TAFA2: variants seen among roughly 807,000 people sequenced by gnomAD.
TAFA2 encodes chemokine-like protein TAFA-2.
TAFA2 carries 7 observed loss-of-function variants against 18.8 expected under a neutral mutation model. That is an observed-to-expected ratio of 0.37 (90% confidence interval 0.21 to 0.70). TAFA2 has a LOEUF of 0.70. Ranked by LOEUF, TAFA2 falls within the 30% of genes least tolerant of loss-of-function variation. The pLI, the probability that TAFA2 is intolerant of heterozygous loss-of-function variation, is 0.53. For synonymous variants in TAFA2, 60 were observed against 54.2 expected (o/e 1.11, Z -0.47); for missense variants, 122 against 158.1 (o/e 0.77, Z 1.23).
intron 1 of TAFA2, among the ~76,000 whole-genome samples, chr12:62,207,469 C>T (rs1439840081): frequency 6.6e-6 from 1 of 151,858 alleles, no homozygotes; most frequent in Non-Finnish European, 1.5e-5. Context: ...CTTTCACACA[C>T]AAACACACAC....
At chr12:61,872,699 AT>A (rs1874669058) in intron 1 of TAFA2, among the ~76,000 whole-genome samples, 1 of 152,026 alleles carries the variant, frequency 6.6e-6, no homozygotes, top group African/African-American at 2.4e-5. Flanking sequence ...CTCTCCCACT[AT>A]CCCCTCTGCC....
At chr12:61,991,002 A>C (rs1416215952) in intron 1 of TAFA2, among the ~76,000 whole-genome samples, 1 of 152,234 alleles carries the variant, frequency 6.6e-6, no homozygotes, top group African/African-American at 2.4e-5. Flanking sequence ...ATCCCCATAA[A>C]TTAACTGTGC....
chr12:62,252,992 T>C (rs1243376084), intron 1 of TAFA2: 1 of 152,184 alleles, frequency 6.6e-6, no homozygotes, highest in Non-Finnish European at 1.5e-5. Context: ...ATCCATGTAA[T>C]TAACTTGTCA....
At chr12:62,057,094 A>G (rs930036387) in intron 1 of TAFA2, among the ~76,000 whole-genome samples, 9 of 152,320 alleles carry the variant, frequency 5.9e-5, no homozygotes, top group Middle Eastern at 3.4e-3. Flanking sequence ...ACTTACCCAT[A>G]ATACCATCTG....
At position 62,010,133 on chromosome 12, in the gene TAFA2, T is replaced by C. The variant is rs540618995; in HGVS notation, c.-1-142707A>G. ...ACACAAAAACACTAATTTGAAACTGTAGTCCCTCTCCCTCTCCCTCTCCCC... is the reference window on the plus strand; with the variant it reads ...ACACAAAAACACTAATTTGAAACTGCAGTCCCTCTCCCTCTCCCTCTCCCC... On this transcript the variant is annotated intron_variant, in intron 1 of 4. Coordinates refer to ENST00000416284, the MANE Select transcript of TAFA2 (RefSeq NM_178539.5). 3.9e-5 allele frequency among the ~76,000 whole-genome samples: 6 copies of C among 152,006 alleles called. No homozygotes were observed. In the East Asian group the frequency reaches 1.2e-3, roughly 30 times the overall value.
At chr12:61,711,386 A>G (rs1869400955) in intron 4 of TAFA2, among the ~76,000 whole-genome samples, 1 of 151,972 alleles carries the variant, frequency 6.6e-6, no homozygotes, top group Admixed American at 6.6e-5. Context: ...ATAAATTTCT[A>G]ATTCTATTCT....
At position 61,753,643 on chromosome 12, in the gene TAFA2, C is replaced by T; in HGVS notation, c.363G>A (p.Gly121=). The T allele has an allele frequency of 1.9e-6, 3 of 1,612,098 alleles. No homozygotes were observed. Among genetic ancestry groups the T allele is most frequent in the Non-Finnish European group, 2.5e-6 (3 of 1,178,820 alleles). Residue 121 remains glycine (G), a synonymous_variant, in exon 4 of 5, where the codon GGG becomes GGA. Coordinates refer to ENST00000416284, the MANE Select transcript of TAFA2 (RefSeq NM_178539.5). The part of the protein sequence containing the change: ...PDRKGWSCSS[G]NKVKTTRVTH ...TTACCCTAGTTGTTTTGACTTTATT[C>T]CCAGAGGAACAGCTCCATCCTTTCC...
chr12:62,176,165 T>G (rs1216064047), intron 1 of TAFA2, among the ~76,000 whole-genome samples: 1 of 152,200 alleles, frequency 6.6e-6, no homozygotes, highest in East Asian at 1.9e-4. Flanking sequence ...ACATATATAT[T>G]TTGGTTTTAT....
intron 1 of TAFA2, among the ~76,000 whole-genome samples, chr12:62,004,917 A>G (rs866447985): frequency 6.6e-6 from 1 of 152,162 alleles, no homozygotes; most frequent in Non-Finnish European, 1.5e-5. Flanking sequence ...TACATTAAAT[A>G]AGCCAGAAAC....
intron 1 of TAFA2, among the ~76,000 whole-genome samples, chr12:62,128,979 A>C (rs1870575662): frequency 6.6e-6 from 1 of 152,088 alleles, no homozygotes; most frequent in South Asian, 2.1e-4. Flanking sequence ...TTTTTCAAAT[A>C]AATCAGTAAA....
chr12:61,877,242 T>A (rs1874892043), intron 1 of TAFA2, among the ~76,000 whole-genome samples: 1 of 152,100 alleles, frequency 6.6e-6, no homozygotes, highest in Non-Finnish European at 1.5e-5. Context: ...CTCACTTTTT[T>A]ACTCTTTCCC....
intron 1 of TAFA2, among the ~76,000 whole-genome samples, chr12:62,039,330 G>A (rs1238392452): frequency 3.9e-5 from 6 of 152,076 alleles, no homozygotes; most frequent in Non-Finnish European, 5.9e-5. Context: ...CATGAAAACC[G>A]CTGAGTAAGG....
At chr12:61,781,205 C>A (rs1870488198) in intron 2 of TAFA2, among the ~76,000 whole-genome samples, 1 of 151,566 alleles carries the variant, frequency 6.6e-6, no homozygotes, top group Non-Finnish European at 1.5e-5. Context: ...CCTATTTGGA[C>A]TGGGGAGCAG....
At chr12:62,076,865 T>C (rs1276512723) in intron 1 of TAFA2, among the ~76,000 whole-genome samples, 1 of 152,182 alleles carries the variant, frequency 6.6e-6, no homozygotes, top group Admixed American at 6.5e-5. Context: ...GCAGAGCTGC[T>C]CAGAGCAGCA....
intron 2 of TAFA2, among the ~76,000 whole-genome samples, chr12:61,818,100 C>A (rs890386291): frequency 6.6e-6 from 1 of 152,140 alleles, no homozygotes; most frequent in African/African-American, 2.4e-5. Context: ...CCACATCTCC[C>A]TCTATTGGGA....
intron 4 of TAFA2, among the ~76,000 whole-genome samples, chr12:61,729,551 C>T (rs768474620): frequency 2.6e-5 from 4 of 151,802 alleles, no homozygotes; most frequent in Non-Finnish European, 5.9e-5. Context: ...TTTCTAAGTG[C>T]ATCTTTCATT....
At chr12:61,838,116 T>C (rs61942611) in intron 2 of TAFA2, among the ~76,000 whole-genome samples, 44,198 of 151,828 alleles carry the variant, frequency 0.29, 6,975 homozygotes, top group South Asian at 0.4. Flanking sequence ...GAACAGTCAA[T>C]GTAGGAAGTA....
intron 1 of TAFA2, among the ~76,000 whole-genome samples, chr12:61,959,694 G>C (rs978686060): frequency 6.6e-6 from 1 of 152,014 alleles, no homozygotes; most frequent in South Asian, 2.1e-4. Flanking sequence ...TGGAAAGAGA[G>C]AACATCTACT....
chr12:61,862,974 C>G (rs1244920461), intron 2 of TAFA2, among the ~76,000 whole-genome samples: 3 of 152,146 alleles, frequency 2.0e-5, no homozygotes, highest in Middle Eastern at 3.2e-3. Context: ...AGATGTTTGT[C>G]TCTTTTCTGT....
Sources: gnomAD v4.1 joint callset for allele counts (sites outside exome capture counted in the v4.1 genomes callset) on GRCh38, gnomAD v4.1.1 for gene constraint, MANE v1.5 for transcripts, NCBI Gene and HGNC (gene_info 2026-07-23, HGNC 2026-07-21) for gene names.